The following PACRG variants were observed in gnomAD, a reference collection of about 807,000 sequenced individuals.
PACRG encodes parkin coregulated gene protein.
In PACRG, 29 loss-of-function variants were observed where a neutral mutation model predicts 29.7. The observed-to-expected ratio is 0.98, with a 90% CI of 0.73 to 1.33. The LOEUF is 1.33. Among genes scored for constraint, PACRG ranks in the 40% most tolerant of loss-of-function variants. PACRG has a pLI of 0.00. For synonymous variants in PACRG, 116 were observed against 118.7 expected (o/e 0.98, Z 0.15); for missense variants, 279 against 316.2 (o/e 0.88, Z 0.89).
At chr6:162,861,196 G>A (rs981564739) in intron 2 of PACRG, among the ~76,000 whole-genome samples, 3 of 152,176 alleles carry the variant, frequency 2.0e-5, no homozygotes, top group South Asian at 2.1e-4. Flanking sequence ...AAATCAGCTC[G>A]AAGTGTAGAA....
intron 2 of PACRG, among the ~76,000 whole-genome samples, chr6:162,878,861 T>C (rs1793594720): frequency 6.6e-6 from 1 of 152,226 alleles, no homozygotes; most frequent in East Asian, 1.9e-4. Flanking sequence ...TGAATAACTA[T>C]GGTGACAAGT....
intron 4 of PACRG, among the ~76,000 whole-genome samples, chr6:163,237,007 C>T (rs1782267587): frequency 6.6e-6 from 1 of 152,100 alleles, no homozygotes; most frequent in African/African-American, 2.4e-5. Context: ...AAAGTTCCGC[C>T]CCCATGATCC....
At chr6:162,927,881 G>T (rs1562742523) in intron 2 of PACRG, among the ~76,000 whole-genome samples, 1 of 151,986 alleles carries the variant, frequency 6.6e-6, no homozygotes. Flanking sequence ...CTGGATCGTG[G>T]TGTACTATCT....
chr6:162,752,112 A>C (rs1024215572), intron 1 of PACRG, among the ~76,000 whole-genome samples: 12 of 152,192 alleles, frequency 7.9e-5, no homozygotes, highest in African/African-American at 2.7e-4. Context: ...GAAGACACGA[A>C]ACAAGTTCCA....
chr6:163,112,462 G>T (rs1222942601), intron 4 of PACRG, among the ~76,000 whole-genome samples: 1 of 152,178 alleles, frequency 6.6e-6, no homozygotes, highest in Non-Finnish European at 1.5e-5. Context: ...GGCAACTATT[G>T]CTGTATCCCT....
At chr6:162,759,965 G>A (rs1362478651) in intron 1 of PACRG, among the ~76,000 whole-genome samples, 2 of 152,190 alleles carry the variant, frequency 1.3e-5, no homozygotes, top group Non-Finnish European at 2.9e-5. Context: ...TGAAGCAAGA[G>A]GGCAGAGAGA....
At chr6:162,850,539 G>C (rs1052881653) in intron 2 of PACRG, among the ~76,000 whole-genome samples, 1 of 152,120 alleles carries the variant, frequency 6.6e-6, no homozygotes, top group Non-Finnish European at 1.5e-5. Flanking sequence ...GATGGCCAAT[G>C]CACAATGGTT....
intron 2 of PACRG, among the ~76,000 whole-genome samples, chr6:162,900,957 C>T (rs1056489064): frequency 6.6e-6 from 1 of 152,312 alleles, no homozygotes; most frequent in East Asian, 1.9e-4. Context: ...TCTTCAACTA[C>T]GCATCCCGTC....
chr6:163,199,769 C>T (rs1327344296), intron 4 of PACRG, among the ~76,000 whole-genome samples: 2 of 152,206 alleles, frequency 1.3e-5, no homozygotes, highest in Non-Finnish European at 2.9e-5. Context: ...AACTTAGCCC[C>T]AGAGGCAACC....
chr6:163,114,820 T>C (rs535199169), intron 4 of PACRG, among the ~76,000 whole-genome samples: 1 of 148,344 alleles, frequency 6.7e-6, no homozygotes, highest in African/African-American at 2.5e-5. Flanking sequence ...TATTGCATAC[T>C]AGAAATTTCC....
At chr6:163,097,857 G>T (rs973831362) in intron 4 of PACRG, among the ~76,000 whole-genome samples, 1 of 152,174 alleles carries the variant, frequency 6.6e-6, no homozygotes, top group African/African-American at 2.4e-5. Flanking sequence ...TAAGTTGGCA[G>T]ATGTAGACTC....
intron 4 of PACRG, among the ~76,000 whole-genome samples, chr6:163,201,613 A>G (rs568985235): frequency 6.6e-6 from 1 of 152,282 alleles, no homozygotes; most frequent in South Asian, 2.1e-4. Context: ...ACTGGCAGCT[A>G]CAGGTGTCTG....
At chr6:162,953,985 C>A (rs1799842203) in intron 2 of PACRG, among the ~76,000 whole-genome samples, 1 of 152,052 alleles carries the variant, frequency 6.6e-6, no homozygotes, top group Non-Finnish European at 1.5e-5. Context: ...TTACAAAATT[C>A]TAATATATAA....
chr6:162,833,011 G>A (rs1315112795), intron 2 of PACRG, among the ~76,000 whole-genome samples: 1 of 152,022 alleles, frequency 6.6e-6, no homozygotes, highest in Non-Finnish European at 1.5e-5. Context: ...TTTGAAAGGA[G>A]TGATGCCATC....
intron 2 of PACRG, among the ~76,000 whole-genome samples, chr6:162,839,777 A>G (rs937138294): frequency 2.6e-5 from 4 of 151,996 alleles, no homozygotes; most frequent in South Asian, 2.1e-4. Flanking sequence ...TGTATAAGGT[A>G]TAAGGAAGGG....
intron 4 of PACRG, chr6:163,187,642 G>T (rs1273623722): frequency 6.6e-6 from 1 of 152,226 alleles, no homozygotes; most frequent in African/African-American, 2.4e-5. Flanking sequence ...ACCTCACTCA[G>T]TGGGTTTCCC....
chr6:163,185,653 C>A (rs1218503769), intron 4 of PACRG, among the ~76,000 whole-genome samples: 1 of 152,156 alleles, frequency 6.6e-6, no homozygotes, highest in Non-Finnish European at 1.5e-5. Context: ...ATCGCGGCAT[C>A]ATCAATTTAA....
rs115617248 is a variant in PACRG at position 162,785,634 on chromosome 6, A to C, written c.157-28513A>C. ...GGATGAAACCGTTCTACCTTTGATC[A>C]TCAGGCATTAGTTAGATTCTCATAA... is the stretch of plus-strand genomic sequence containing the variant. On this transcript the variant is annotated intron_variant, in intron 1 of 4. Coordinates refer to ENST00000366888, the MANE Select transcript of PACRG (RefSeq NM_001080379.2). 6.4e-3 allele frequency among the ~76,000 whole-genome samples: 976 copies of C among 152,282 alleles called. 19 individuals are homozygous for C. The highest frequency in any genetic ancestry group is 0.023 in the African/African-American group (942 of 41,548).
chr6:163,142,179 A>G (rs1027132380), intron 4 of PACRG, among the ~76,000 whole-genome samples: 1 of 152,208 alleles, frequency 6.6e-6, no homozygotes, highest in African/African-American at 2.4e-5. Context: ...GCAACAAGGT[A>G]AATGCAACAA....
Sources: allele counts gnomAD v4.1 joint callset (sites outside exome capture counted in the v4.1 genomes callset), GRCh38; gene constraint gnomAD v4.1.1; transcripts MANE v1.5; gene names NCBI Gene and HGNC (gene_info 2026-07-23, HGNC 2026-07-21).